DMRT1: variants seen among roughly 807,000 people sequenced by gnomAD.
DMRT1 encodes doublesex- and mab-3-related transcription factor 1.
DMRT1 carries 7 observed loss-of-function variants against 32.3 expected under a neutral mutation model. The ratio of observed to expected loss-of-function variants is 0.22; its 90% CI spans 0.12 to 0.41. The LOEUF is 0.41. Ranked by LOEUF, DMRT1 falls within the 10% of genes least tolerant of loss-of-function variation. The pLI, the probability that DMRT1 is intolerant of heterozygous loss-of-function variation, is 1.00. For missense variants in DMRT1, 625 were observed against 500.5 expected (o/e 1.25, Z -2.37); for synonymous variants, 278 against 206.1 (o/e 1.35, Z -2.99).
intron 3 of DMRT1, among the ~76,000 whole-genome samples, chr9:913,378 G>T (rs895090321): frequency 6.0e-5 from 9 of 151,184 alleles, no homozygotes; most frequent in African/African-American, 4.9e-5. Flanking sequence ...ATTGACTTAA[G>T]GAAGTCTATG....
At chr9:903,433 T>TGAAGGA (rs1212131226) in intron 3 of DMRT1, among the ~76,000 whole-genome samples, 2 of 152,238 alleles carry the variant, frequency 1.3e-5, no homozygotes, top group African/African-American at 4.8e-5. Context: ...ATCTGGTTTT[T>TGAAGGA]ATTACACCTT....
intron 4 of DMRT1, among the ~76,000 whole-genome samples, chr9:950,077 A>G (rs1288631867): frequency 6.6e-6 from 1 of 152,108 alleles, no homozygotes; most frequent in Non-Finnish European, 1.5e-5. Context: ...ATATACACTC[A>G]GAAGTAGCAT....
At chr9:861,935 C>A (rs1401991979) in intron 2 of DMRT1, among the ~76,000 whole-genome samples, 1 of 147,678 alleles carries the variant, frequency 6.8e-6, no homozygotes, top group African/African-American at 2.5e-5. Context: ...CCCAACATCC[C>A]AGATGATGGG....
At chr9:903,971 A>G (rs1394925193) in intron 3 of DMRT1, among the ~76,000 whole-genome samples, 4 of 152,220 alleles carry the variant, frequency 2.6e-5, no homozygotes, top group Admixed American at 2.6e-4. Flanking sequence ...TTCCATTGTT[A>G]GATGACTTCA....
chr9:947,752 C>T (rs1364347816), intron 4 of DMRT1, among the ~76,000 whole-genome samples: 1 of 152,110 alleles, frequency 6.6e-6, no homozygotes, highest in Non-Finnish European at 1.5e-5. Flanking sequence ...GAAACTGAGG[C>T]CCCAGAGATG....
At chr9:893,638 G>C (rs1817236295) in intron 2 of DMRT1, among the ~76,000 whole-genome samples, 1 of 152,250 alleles carries the variant, frequency 6.6e-6, no homozygotes, top group East Asian at 1.9e-4. Flanking sequence ...GATAGAAGTT[G>C]TGCTGTTGGG....
At chr9:872,794 C>T (rs569314091) in intron 2 of DMRT1, among the ~76,000 whole-genome samples, 1 of 152,140 alleles carries the variant, frequency 6.6e-6, no homozygotes, top group Admixed American at 6.5e-5. Context: ...TACTTCAAAG[C>T]GGACTTGGTG....
intron 2 of DMRT1, among the ~76,000 whole-genome samples, chr9:882,385 G>C (rs1180716738): frequency 6.6e-6 from 1 of 152,166 alleles, no homozygotes; most frequent in African/African-American, 2.4e-5. Context: ...CTCTTGTTGT[G>C]TGTCTCCTCT....
chr9:849,900 C>G (rs879414080), intron 2 of DMRT1, among the ~76,000 whole-genome samples: 3 of 152,040 alleles, frequency 2.0e-5, no homozygotes, highest in South Asian at 2.1e-4. Context: ...TTTGGCTCAC[C>G]GCAACCTCTG....
intron 1 of DMRT1, among the ~76,000 whole-genome samples, chr9:844,381 A>T (rs973593011): frequency 6.9e-6 from 1 of 144,142 alleles, no homozygotes. Context: ...TTTTTATATA[A>T]TATTTTCTAA....
At chr9:873,510 G>A (rs973575092) in intron 2 of DMRT1, among the ~76,000 whole-genome samples, 18 of 151,746 alleles carry the variant, frequency 1.2e-4, no homozygotes, top group African/African-American at 4.4e-4. Context: ...GTAGAGATGG[G>A]GTTTCATCTT....
intron 2 of DMRT1, among the ~76,000 whole-genome samples, chr9:857,316 A>AGT: frequency 6.6e-6 from 1 of 151,672 alleles, no homozygotes; most frequent in South Asian, 2.1e-4. Context: ...CAAAAAAAAT[A>AGT]TATATATGTG....
At chr9:955,193 G>A (rs1454402779) in intron 4 of DMRT1, among the ~76,000 whole-genome samples, 1 of 152,102 alleles carries the variant, frequency 6.6e-6, no homozygotes, top group Non-Finnish European at 1.5e-5. Flanking sequence ...TAGGGCATGG[G>A]CACTTGTCCA....
chr9:912,797 A>G (rs1376546877), intron 3 of DMRT1, among the ~76,000 whole-genome samples: 1 of 152,074 alleles, frequency 6.6e-6, no homozygotes, highest in Non-Finnish European at 1.5e-5. Context: ...TATTAGAATT[A>G]ACTGGGATCT....
chr9:855,631 T>C (rs1034572019), intron 2 of DMRT1, among the ~76,000 whole-genome samples: 2 of 152,258 alleles, frequency 1.3e-5, no homozygotes, highest in African/African-American at 4.8e-5. Context: ...GAATTTTTTT[T>C]CTTTTTGAGA....
intron 4 of DMRT1, among the ~76,000 whole-genome samples, chr9:964,772 G>A (rs1408117061): frequency 3.3e-5 from 5 of 152,178 alleles, no homozygotes; most frequent in Non-Finnish European, 7.3e-5. Flanking sequence ...ATTCCCCAGA[G>A]TGGAATTACC....
At chr9:846,705 T>C (rs1031563118) in intron 1 of DMRT1, among the ~76,000 whole-genome samples, 3 of 152,176 alleles carry the variant, frequency 2.0e-5, no homozygotes, top group Non-Finnish European at 4.4e-5. Flanking sequence ...CTCAAGCTCT[T>C]GAGTAGCTGG....
intron 4 of DMRT1, among the ~76,000 whole-genome samples, chr9:921,953 T>C (rs932667406): frequency 6.6e-6 from 1 of 152,118 alleles, no homozygotes; most frequent in African/African-American, 2.4e-5. Context: ...CAATCATAGC[T>C]CACTGTAGCA....
At chr9:856,619 C>G (rs1399163643) in intron 2 of DMRT1, among the ~76,000 whole-genome samples, 1 of 152,106 alleles carries the variant, frequency 6.6e-6, no homozygotes, top group African/African-American at 2.4e-5. Flanking sequence ...ATATATACCA[C>G]ATTATTTTTC....
Sources: gnomAD v4.1 joint callset for allele counts (sites outside exome capture counted in the v4.1 genomes callset) on GRCh38, gnomAD v4.1.1 for gene constraint, MANE v1.5 for transcripts, NCBI Gene and HGNC (gene_info 2026-07-23, HGNC 2026-07-21) for gene names.